The following SSPN variants were observed in gnomAD, a reference collection of about 807,000 sequenced individuals.
SSPN encodes the protein K-ras oncogene-associated protein.
Under a neutral mutation model 19.1 loss-of-function variants are expected in SSPN, and 15 were observed. That is an observed-to-expected ratio of 0.78 (90% CI 0.52 to 1.21). The LOEUF (loss-of-function observed/expected upper bound fraction) is 1.21, where lower values mean the gene tolerates loss of function less well. SSPN is among the 50% of genes most tolerant of loss of function. The pLI is 0.00. For missense variants in SSPN, 291 were observed against 314.0 expected (o/e 0.93, Z 0.55); for synonymous variants, 147 against 140.3 (o/e 1.05, Z -0.34).
At chr12:26,192,404 C>G (rs1462496483), upstream of SSPN, among the ~76,000 whole-genome samples, 1 of 152,072 alleles carries the variant, frequency 6.6e-6, no homozygotes, top group Non-Finnish European at 1.5e-5. Flanking sequence ...CTGTTAAACT[C>G]TATGATGAGC....
intron 1 of SSPN, among the ~76,000 whole-genome samples, chr12:26,186,919 C>CCT (rs996352150): frequency 1.3e-5 from 2 of 152,024 alleles, no homozygotes; most frequent in African/African-American, 4.8e-5. Flanking sequence ...TGTTATCAAG[C>CCT]CTCTCTCTCT....
At chr12:26,190,522 T>A (rs1211006003), upstream of SSPN, among the ~76,000 whole-genome samples, 1 of 152,122 alleles carries the variant, frequency 6.6e-6, no homozygotes, top group Admixed American at 6.5e-5. Context: ...AAACAAACCA[T>A]CCCTGCTGTG....
chr12:26,192,038 T>C (rs1944792404), upstream of SSPN, among the ~76,000 whole-genome samples: 1 of 152,244 alleles, frequency 6.6e-6, no homozygotes, highest in African/African-American at 2.4e-5. Flanking sequence ...AGACATTTTG[T>C]TAATCACACT....
intron 1 of SSPN, among the ~76,000 whole-genome samples, chr12:26,145,356 G>C (rs1944483815): frequency 6.6e-6 from 1 of 152,130 alleles, no homozygotes; most frequent in Admixed American, 6.5e-5. Flanking sequence ...TGGGGCACTT[G>C]GTCAATCACT....
chr12:26,150,151 G>A (rs1429049460), intron 1 of SSPN, among the ~76,000 whole-genome samples: 2 of 152,170 alleles, frequency 1.3e-5, no homozygotes, highest in African/African-American at 4.8e-5. Context: ...AGGCCAAGCC[G>A]ACATTAGCCA....
chr12:26,222,402 G>A (rs1036921395), intron 1 of SSPN, among the ~76,000 whole-genome samples: 27 of 152,228 alleles, frequency 1.8e-4, no homozygotes, highest in African/African-American at 5.5e-4. Context: ...AAAATGCCAT[G>A]TTGCCTTTGC....
chr12:26,184,886 T>C (rs6487538), intron 1 of SSPN, among the ~76,000 whole-genome samples: 151,762 of 152,264 alleles, frequency 1, 75,632 homozygotes, highest in Middle Eastern at 1. Context: ...AAAATATCCA[T>C]GTCCCATGAG....
intron 1 of SSPN, among the ~76,000 whole-genome samples, chr12:26,158,974 G>T (rs960814193): frequency 6.6e-6 from 1 of 152,232 alleles, no homozygotes; most frequent in Non-Finnish European, 1.5e-5. Context: ...AGCTGGTCAG[G>T]AGCTAGGTTA....
At chr12:26,203,835 G>A (rs1349940737) in intron 1 of SSPN, among the ~76,000 whole-genome samples, 1 of 152,128 alleles carries the variant, frequency 6.6e-6, no homozygotes, top group African/African-American at 2.4e-5. Flanking sequence ...TTCTCTTCCT[G>A]GCTTGCAGGC....
At chr12:26,124,274 T>G in intron 1 of SSPN, 1 of 286,206 alleles carries the variant, frequency 3.5e-6, no homozygotes, top group African/African-American at 1.3e-4. Flanking sequence ...CCCCCCACCA[T>G]AAAACATACT....
intron 1 of SSPN, among the ~76,000 whole-genome samples, chr12:26,168,298 C>G (rs1944633583): frequency 6.6e-6 from 1 of 151,280 alleles, no homozygotes; most frequent in Non-Finnish European, 1.5e-5. Flanking sequence ...AAGGGAAGGG[C>G]ACTAAGAAAT....
intron 1 of SSPN, among the ~76,000 whole-genome samples, chr12:26,128,129 A>G (rs1270363993): frequency 1.3e-5 from 2 of 152,086 alleles, no homozygotes; most frequent in Non-Finnish European, 2.9e-5. Context: ...ACCCTGGACG[A>G]CTCTTACACC....
At chr12:26,167,653 C>T (rs371792544) in intron 1 of SSPN, among the ~76,000 whole-genome samples, 3 of 152,130 alleles carry the variant, frequency 2.0e-5, no homozygotes, top group Non-Finnish European at 4.4e-5. Context: ...CTGCGTAGAC[C>T]GCAACTCTCT....
At chr12:26,200,124 A>G (rs1195119424) in intron 1 of SSPN, among the ~76,000 whole-genome samples, 1 of 152,146 alleles carries the variant, frequency 6.6e-6, no homozygotes, top group African/African-American at 2.4e-5. Flanking sequence ...TCTTTGCCTT[A>G]TTATGCTTTT....
chr12:26,213,384 A>G (rs1591886444), intron 1 of SSPN, among the ~76,000 whole-genome samples: 1 of 152,182 alleles, frequency 6.6e-6, no homozygotes, highest in East Asian at 1.9e-4. Context: ...ATATCATCCT[A>G]GAGATGATGA....
chr12:26,161,800 G>GAGCACAACCT (rs1480006366), intron 1 of SSPN, among the ~76,000 whole-genome samples: 1 of 152,184 alleles, frequency 6.6e-6, no homozygotes, highest in East Asian at 1.9e-4. Flanking sequence ...TTTTCATAAA[G>GAGCACAACCT]AGCACAACCT....
upstream of SSPN, among the ~76,000 whole-genome samples, chr12:26,191,476 G>GAA: frequency 6.6e-6 from 1 of 152,202 alleles, no homozygotes; most frequent in Non-Finnish European, 1.5e-5. Context: ...GAGAGAGAGA[G>GAA]AATGAGAAAG....
chr12:26,218,411 C>T (rs373919883), intron 1 of SSPN, among the ~76,000 whole-genome samples: 11 of 109,720 alleles, frequency 1.0e-4, no homozygotes, highest in African/African-American at 2.9e-4. Context: ...GTGGGTGCAG[C>T]GCACCAGCAT....
chr12:26,186,384 A>G (rs1944754621), intron 1 of SSPN, among the ~76,000 whole-genome samples: 1 of 152,238 alleles, frequency 6.6e-6, no homozygotes, highest in Non-Finnish European at 1.5e-5. Flanking sequence ...CTTAACTGAT[A>G]CAAATACACC....
Sources: allele counts gnomAD v4.1 joint callset (sites outside exome capture counted in the v4.1 genomes callset), GRCh38; gene constraint gnomAD v4.1.1; transcripts MANE v1.5; gene names NCBI Gene and HGNC (gene_info 2026-07-23, HGNC 2026-07-21).